The following TMEM107 variants were observed in gnomAD, a reference collection of about 807,000 sequenced individuals.
TMEM107 encodes the protein transmembrane protein 107.
In TMEM107, 18 loss-of-function variants were observed where a neutral mutation model predicts 16.8. That is an observed-to-expected ratio of 1.07 (90% CI 0.74 to 1.59). The LOEUF is 1.59. TMEM107 is among the 40% of genes most tolerant of loss of function. The pLI, the probability that TMEM107 is intolerant of heterozygous loss-of-function variation, is 0.00. For synonymous variants in TMEM107, 68 were observed against 71.6 expected, an observed-to-expected ratio of 0.95 and a Z score of 0.25; for missense variants, 152 against 175.4, an observed-to-expected ratio of 0.87 and a Z score of 0.75.
intron 3 of TMEM107, 111 bp downstream of exon 3, chr17:8,175,646 G>C: frequency 1.1e-6 from 1 of 948,868 alleles, no homozygotes; most frequent in Non-Finnish European, 1.7e-6. Context: ...CATCGTTGAA[G>C]ATCTTTGAAC....
rs181915503 is a variant in TMEM107 at position 8,173,465 on chromosome 17, G to T, written c.*738C>A. 5 of 764,200 alleles carry T rather than the reference G, an allele frequency of 6.5e-6. No individual in the cohort carries two copies. The highest frequency in any genetic ancestry group is 1.2e-5 in the Non-Finnish European group (5 of 417,804). The allele number at this position is 764,200 out of a possible 1,614,324, so 47.3% of individuals were successfully genotyped here. A position where few individuals can be genotyped will look rare whatever the true frequency, so the allele number is the denominator to read the frequency against. On this transcript the variant is annotated 3_prime_UTR_variant, in exon 5 of 5. Transcript: ENST00000437139. The stretch of plus-strand genomic sequence containing the variant: ...GATCGTCAGAAAGAATCAGACAGGA[G>T]CAATCAGGGTGTTGCAAGTCCTGAT...
intron 3 of TMEM107, chr17:8,175,343 A>G: frequency 3.0e-6 from 1 of 328,088 alleles, no homozygotes; most frequent in Non-Finnish European, 5.8e-6. Context: ...CTGGGATTAC[A>G]TGCGTGAGCC....
chr17:8,173,484 T>G lies in TMEM107; in HGVS notation c.*719A>C, dbSNP rs9901637. Reference sequence around the variant, plus strand: ...ACAGGAGCAATCAGGGTGTTGCAAGTCCTGATTACGCAGAGACGTTAATCA... The same window carrying G: ...ACAGGAGCAATCAGGGTGTTGCAAGGCCTGATTACGCAGAGACGTTAATCA... On this transcript the variant is annotated 3_prime_UTR_variant, in exon 5 of 5. Coordinates refer to ENST00000437139, the MANE Select transcript of TMEM107 (RefSeq NM_183065.4). 7.3e-5 allele frequency: 56 copies of G among 764,170 alleles called. No homozygotes were observed. Among genetic ancestry groups the G allele is most frequent in the South Asian group, 1.2e-4 (9 of 74,552 alleles). The allele number at this position is 764,170 out of a possible 1,614,324, so 47.3% of individuals were successfully genotyped here. A position where few individuals can be genotyped will look rare whatever the true frequency, so the allele number is the denominator to read the frequency against.
rs543714562 is a variant in TMEM107 at position 8,174,089 on chromosome 17, C to T, written c.*114G>A. ...CGTAATTATTCCAACACATATCCTC[C>T]AGCAGAAGCAGTTTCCGAGGGGAAA... On this transcript the variant is annotated 3_prime_UTR_variant, in exon 5 of 5. Transcript: ENST00000437139. 1.2e-6 allele frequency: 1 copy of T among 836,398 alleles called. No individual in the cohort carries two copies. The highest frequency in any genetic ancestry group is 1.7e-5 in the African/African-American group (1 of 59,112). The allele number at this position is 836,398 out of a possible 1,614,324, so 51.8% of individuals were successfully genotyped here.
chr17:8,176,183 G>A lies in TMEM107; in HGVS notation c.87+17C>T. The A allele has an allele frequency of 6.2e-7, 1 of 1,612,058 alleles. No homozygotes were observed. The highest frequency in any genetic ancestry group is 8.5e-7 in the Non-Finnish European group (1 of 1,178,044). ...AGATGGGAATGGGGACGGATTGAGT[G>A]CAGCCGTGGGTCTTACCCGGGACCA... On this transcript the variant is annotated intron_variant, in intron 1 of 4. Transcript: ENST00000437139.
intron 3 of TMEM107, 44 bp from the exon 4 acceptor site, chr17:8,174,660 C>G: frequency 6.4e-7 from 1 of 1,567,762 alleles, no homozygotes; most frequent in Non-Finnish European, 8.8e-7. Context: ...GATCGACAGA[C>G]AGTGATGGGT....
chr17:8,172,865 A>AAAC lies in TMEM107; in HGVS notation c.*1337_*1338insGTT, dbSNP rs1252774002. On this transcript the variant is annotated 3_prime_UTR_variant, in exon 5 of 5. Coordinates refer to ENST00000437139, the MANE Select transcript of TMEM107 (RefSeq NM_183065.4). ...AGAGTGAGACTGTCTCAAAAAAAAA[A>AAAC]AAAAAAAAAACCAAAAGAGGGGGGT... Among the ~76,000 whole-genome samples the AAAC allele has an allele frequency of 6.7e-6, 1 of 148,192 alleles. No individual in the cohort carries two copies. The highest frequency in any genetic ancestry group is 1.5e-5 in the Non-Finnish European group (1 of 66,710).
At position 8,176,329 on chromosome 17, in the gene TMEM107, C is replaced by A; in HGVS notation, c.-43G>T. On this transcript the variant is annotated 5_prime_UTR_variant, in exon 1 of 5. Transcript: ENST00000437139. ...GCGGCGGTCTCTGAGGCTGGAAGTT[C>A]AGAGACAGCGACTCCTGAAGTCTCC... is the stretch of plus-strand genomic sequence containing the variant. 1.3e-6 allele frequency: 2 copies of A among 1,537,464 alleles called. No individual in the cohort carries two copies. Among genetic ancestry groups the A allele is most frequent in the South Asian group, 1.1e-5 (1 of 88,460 alleles).
chr17:8,174,043 C>A lies in TMEM107; in HGVS notation c.*160G>T, dbSNP rs1336924842. On this transcript the variant is annotated 3_prime_UTR_variant, in exon 5 of 5. Transcript: ENST00000437139. ...TTATTACAAAGCACTAAATACAATGCGGATAATCCCAGACTCAAGACGTAA... is the reference window on the plus strand; with the variant it reads ...TTATTACAAAGCACTAAATACAATGAGGATAATCCCAGACTCAAGACGTAA... 4.7e-5 allele frequency: 30 copies of A among 643,282 alleles called. No homozygotes were observed. The highest frequency in any genetic ancestry group is 6.5e-5 in the Non-Finnish European group (23 of 356,210). 39.8% of individuals were successfully genotyped at this position (643,282 alleles called of 1,614,324 possible).
chr17:8,173,336 G>GCAATAGCAAGACTGCA lies in TMEM107; in HGVS notation c.*851_*866dup, dbSNP rs1567548960. 1.7e-6 allele frequency: 1 copy of GCAATAGCAAGACTGCA among 581,390 alleles called. No homozygotes were observed. The highest frequency in any genetic ancestry group is 2.6e-5 in the Admixed American group (1 of 38,634). 36.0% of individuals were successfully genotyped at this position (581,390 alleles called of 1,614,324 possible). On this transcript the variant is annotated 3_prime_UTR_variant, in exon 5 of 5. Coordinates refer to ENST00000437139, the MANE Select transcript of TMEM107 (RefSeq NM_183065.4). ...AGCAAGACTGCAAAATAGACAAACA[G>GCAATAGCAAGACTGCA]CAATAGCAAGACTGCAAAATAGACA...
intron 1 of TMEM107, 66 bp downstream of exon 1, chr17:8,176,134 C>A (rs1984118761): frequency 1.3e-6 from 2 of 1,598,646 alleles, no homozygotes; most frequent in African/African-American, 2.7e-5. Context: ...TGGGAGGGGG[C>A]AGGGTAGGAC....
At position 8,173,191 on chromosome 17, in the gene TMEM107, A is replaced by G. The variant is rs117175349; in HGVS notation, c.*1012T>C. On this transcript the variant is annotated 3_prime_UTR_variant, in exon 5 of 5. Transcript: ENST00000437139. ...ATTTACTGATGTGCAATGTTTCCTGAGAAGTGAGGATTAAAGTTATCAAAC... is the reference window on the plus strand; with the variant it reads ...ATTTACTGATGTGCAATGTTTCCTGGGAAGTGAGGATTAAAGTTATCAAAC... The G allele has an allele frequency of 8.0e-4, 304 of 382,182 alleles. 6 individuals are homozygous for G. The East Asian group carries it at 0.014, about 17-fold the overall frequency. The allele number at this position is 382,182 out of a possible 1,614,324, so 23.7% of individuals were successfully genotyped here.
At position 8,173,273 on chromosome 17, in the gene TMEM107, C is replaced by T. The variant is rs1983706563; in HGVS notation, c.*930G>A. The stretch of plus-strand genomic sequence containing the variant: ...TCACTGCCTAAATTCCAGAAAGCAA[C>T]AAAAACCAAATCACAATTTTCAAGA... On this transcript the variant is annotated 3_prime_UTR_variant, in exon 5 of 5. Coordinates refer to ENST00000437139, the MANE Select transcript of TMEM107 (RefSeq NM_183065.4). 1.9e-6 allele frequency: 1 copy of T among 522,544 alleles called. No homozygotes were observed. The highest frequency in any genetic ancestry group is 3.4e-6 in the Non-Finnish European group (1 of 291,624). 32.4% of individuals were successfully genotyped at this position (522,544 alleles called of 1,614,324 possible).
Position 8,173,491 on chromosome 17 carries a change from T to G in TMEM107, c.*712A>C, listed in dbSNP as rs762385657. On this transcript the variant is annotated 3_prime_UTR_variant, in exon 5 of 5. Transcript: ENST00000437139. ...CAATCAGGGTGTTGCAAGTCCTGATTACGCAGAGACGTTAATCACGTTTCA... is the reference window on the plus strand; with the variant it reads ...CAATCAGGGTGTTGCAAGTCCTGATGACGCAGAGACGTTAATCACGTTTCA... 12 of 765,016 alleles carry G rather than the reference T, an allele frequency of 1.6e-5. 1 individual carries two copies. The highest frequency in any genetic ancestry group is 2.4e-5 in the East Asian group (1 of 41,254). 47.4% of individuals were successfully genotyped at this position (765,016 alleles called of 1,614,324 possible).
At position 8,173,377 on chromosome 17, in the gene TMEM107, CCAGTCAGAACTTCATAG is replaced by C; in HGVS notation, c.*809_*825del. 6.0e-6 allele frequency: 4 copies of C among 668,060 alleles called. No individual in the cohort carries two copies. Among genetic ancestry groups the C allele is most frequent in the Non-Finnish European group, 1.1e-5 (4 of 361,064 alleles). The allele number at this position is 668,060 out of a possible 1,614,324, so 41.4% of individuals were successfully genotyped here. ...AAAATAGACAAACAGCAAGGTTATC[CCAGTCAGAACTTCATAG>C]CTATGTTTGTGGATATCTGCTAATC... On this transcript the variant is annotated 3_prime_UTR_variant, in exon 5 of 5. Coordinates refer to ENST00000437139, the MANE Select transcript of TMEM107 (RefSeq NM_183065.4).
In TMEM107 at chr17:8,174,181, T is replaced by C. The variant is rs891810888; in HGVS notation, c.*22A>G. The C allele has an allele frequency of 3.7e-6, 6 of 1,611,756 alleles. No homozygotes were observed. In the South Asian group the frequency reaches 5.5e-5, roughly 15 times the overall value. Reference sequence around the variant, plus strand: ...CCCTTGCCCCTGTAGGCTTCGTCCTTAGGTTCCCGTCATGAAGGTAATCAG... The same window carrying C: ...CCCTTGCCCCTGTAGGCTTCGTCCTCAGGTTCCCGTCATGAAGGTAATCAG... On this transcript the variant is annotated 3_prime_UTR_variant, in exon 5 of 5. Transcript: ENST00000437139.
Position 8,175,914 on chromosome 17 carries a change from C to T in TMEM107, c.155+45G>A, listed in dbSNP as rs150836307. On this transcript the variant is annotated intron_variant, in intron 2 of 4. Coordinates refer to ENST00000437139, the MANE Select transcript of TMEM107 (RefSeq NM_183065.4). ...TTGGACTTATTCTAAGACCCCTCCA[C>T]TCCCACCACCTCTTCGTTCTGGCCA... 2.5e-6 allele frequency: 4 copies of T among 1,614,168 alleles called. No homozygotes were observed. The East Asian group carries it at 8.9e-5, about 36-fold the overall frequency.
In TMEM107 at chr17:8,173,541, A is replaced by C. The variant is rs201264521; in HGVS notation, c.*662T>G. ...ATGCATCTCCAATCATCATGTTCTA[A>C]TCTGCCCTCCGGAGGAGGAACAGGT... On this transcript the variant is annotated 3_prime_UTR_variant, in exon 5 of 5. Transcript: ENST00000437139. 3.4e-5 allele frequency: 26 copies of C among 765,338 alleles called. No homozygotes were observed. Among genetic ancestry groups the C allele is most frequent in the Admixed American group, 2.2e-4 (13 of 59,010 alleles). 47.4% of individuals were successfully genotyped at this position (765,338 alleles called of 1,614,324 possible). A position where few individuals can be genotyped will look rare whatever the true frequency, so the allele number is the denominator to read the frequency against.
chr17:8,175,966 C>G lies in TMEM107; in HGVS notation c.148G>C (p.Asp50His), dbSNP rs377543068. Residue 50 changes from aspartate (D) to histidine (H), a missense_variant, in exon 2 of 5, where the codon GAC becomes CAC. Transcript: ENST00000437139. ...TFTPEEYDKQ[D>H]IQLVAALSVT... is the part of the protein sequence containing the mutation. ...CCCGTCCCAAGAGCTCACTGAATGT[C>G]CTGCTTGTCATACTCCTCGGGGGTG... 1.2e-6 allele frequency: 2 copies of G among 1,614,260 alleles called. No homozygotes were observed. Among genetic ancestry groups the G allele is most frequent in the Non-Finnish European group, 1.7e-6 (2 of 1,180,054 alleles).
Sources: gnomAD v4.1 joint callset for allele counts (sites outside exome capture counted in the v4.1 genomes callset) on GRCh38, gnomAD v4.1.1 for gene constraint, MANE v1.5 for transcripts, NCBI Gene and HGNC (gene_info 2026-07-23, HGNC 2026-07-21) for gene names.